Variants in PKN2 observed in about 807,000 individuals in gnomAD.
PKN2 encodes protein kinase N2.
A neutral mutation model predicts 119.1 loss-of-function variants in PKN2; 38 were observed. The observed-to-expected ratio is 0.32, with a 90% CI of 0.25 to 0.42. The LOEUF (loss-of-function observed/expected upper bound fraction) is 0.42, where lower values mean the gene tolerates loss of function less well. Ranked by LOEUF, PKN2 falls within the 10% of genes least tolerant of loss-of-function variation. The probability of loss-of-function intolerance (pLI) is 1.00; values close to 1 mark genes in which losing one functional copy is unlikely to be tolerated. For missense variants in PKN2, 850 were observed against 1,165.1 expected, an observed-to-expected ratio of 0.73 and a Z score of 3.94; for synonymous variants, 390 against 384.9, an observed-to-expected ratio of 1.01 and a Z score of -0.15.
chr1:88,817,697 A>G (rs1389936970), intron 16 of PKN2, among the ~76,000 whole-genome samples: 1 of 140,470 alleles, frequency 7.1e-6, no homozygotes, highest in Non-Finnish European at 1.5e-5. Flanking sequence ...CGACAAAGCG[A>G]GACTCCGTCT....
At chr1:88,732,359 C>T (rs578080677) in intron 1 of PKN2, among the ~76,000 whole-genome samples, 3 of 152,218 alleles carry the variant, frequency 2.0e-5, no homozygotes, top group African/African-American at 4.8e-5. Context: ...ATCTTTCCCT[C>T]TATTTTTAAA....
At chr1:88,746,707 A>T (rs1415892846) in intron 2 of PKN2, among the ~76,000 whole-genome samples, 1 of 152,166 alleles carries the variant, frequency 6.6e-6, no homozygotes, top group Non-Finnish European at 1.5e-5. Context: ...GAGGTTCCTG[A>T]GAAAACTAAA....
At chr1:88,721,873 AGTGTGTGTGT>A (rs151220008) in intron 1 of PKN2, among the ~76,000 whole-genome samples, 1 of 151,450 alleles carries the variant, frequency 6.6e-6, no homozygotes, top group Admixed American at 6.6e-5. Context: ...ACTCTATGTG[AGTGTGTGTGT>A]GTGTGTTGCA....
At chr1:88,719,965 A>C (rs1386924205) in intron 1 of PKN2, among the ~76,000 whole-genome samples, 1 of 152,200 alleles carries the variant, frequency 6.6e-6, no homozygotes, top group Non-Finnish European at 1.5e-5. Flanking sequence ...TAGTGTGCCA[A>C]AATTCACACA....
At chr1:88,802,070 G>A (rs1421461743) in intron 8 of PKN2, among the ~76,000 whole-genome samples, 1 of 152,206 alleles carries the variant, frequency 6.6e-6, no homozygotes, top group Admixed American at 6.5e-5. Flanking sequence ...GGCCTGTCCA[G>A]ACATGCTTGA....
chr1:88,818,376 G>A (rs1672101161), intron 16 of PKN2, among the ~76,000 whole-genome samples: 1 of 152,176 alleles, frequency 6.6e-6, no homozygotes, highest in South Asian at 2.1e-4. Context: ...GGCTGGGTGT[G>A]GTGGCTCACG....
At position 88,684,482 on chromosome 1, in the gene PKN2, T is replaced by A. The variant is rs1191867833; in HGVS notation, c.-99T>A. 1.1e-6 allele frequency: 1 copy of A among 917,230 alleles called. No individual in the cohort carries two copies. The highest frequency in any genetic ancestry group is 2.4e-4 in the Middle Eastern group (1 of 4,082). The allele number at this position is 917,230 out of a possible 1,614,324, so 56.8% of individuals were successfully genotyped here. ...ATCCCTAGTTGTTTTTTTTTTTTTC[T>A]TTCTCTCCCCTCTCCTCACCCCCAC... On this transcript the variant is annotated 5_prime_UTR_variant, in exon 1 of 22. Coordinates refer to ENST00000370521, the MANE Select transcript of PKN2 (RefSeq NM_006256.4).
At position 88,834,031 on chromosome 1, in the gene PKN2, A is replaced by G. The variant is rs995078549; in HGVS notation, c.*583A>G. ...TGATGTCTTATTTTATAAATGTTCT[A>G]TATTTATTAGGAGAAAACTTTATAT... On this transcript the variant is annotated 3_prime_UTR_variant, in exon 22 of 22. Coordinates refer to ENST00000370521, the MANE Select transcript of PKN2 (RefSeq NM_006256.4). 2.6e-5 allele frequency: 4 copies of G among 152,050 alleles called. No homozygotes were observed. The highest frequency in any genetic ancestry group is 5.9e-5 in the Non-Finnish European group (4 of 67,986). 9.4% of individuals were successfully genotyped at this position (152,050 alleles called of 1,614,324 possible).
chr1:88,702,033 A>G (rs1217518773), intron 1 of PKN2, among the ~76,000 whole-genome samples: 1 of 152,204 alleles, frequency 6.6e-6, no homozygotes, highest in Non-Finnish European at 1.5e-5. Flanking sequence ...ATCCGGGCTC[A>G]CTGCAACCTC....
At chr1:88,786,262 A>G (rs960430439) in intron 8 of PKN2, 49 bp downstream of exon 8, 2 of 947,816 alleles carry the variant, frequency 2.1e-6, no homozygotes, top group Non-Finnish European at 3.3e-6. Context: ...TTCATTTTAA[A>G]TGTGAGTTAT....
chr1:88,775,530 C>T (rs2100810560), intron 6 of PKN2, among the ~76,000 whole-genome samples: 1 of 152,220 alleles, frequency 6.6e-6, no homozygotes, highest in South Asian at 2.1e-4. Flanking sequence ...TTCTTGGTTG[C>T]TTCCAGGTTT....
intron 8 of PKN2, among the ~76,000 whole-genome samples, chr1:88,795,521 C>G (rs1671026960): frequency 6.6e-6 from 1 of 152,184 alleles, no homozygotes; most frequent in South Asian, 2.1e-4. Flanking sequence ...ACTGAAGTTT[C>G]TACTGCCATT....
intron 1 of PKN2, among the ~76,000 whole-genome samples, chr1:88,723,901 T>A (rs1667793609): frequency 1.3e-5 from 2 of 152,314 alleles, no homozygotes; most frequent in South Asian, 2.1e-4. Context: ...TCATCTATTT[T>A]TTCTCTTTTG....
intron 1 of PKN2, among the ~76,000 whole-genome samples, chr1:88,713,068 T>C (rs183973192): frequency 3.3e-5 from 5 of 152,332 alleles, no homozygotes; most frequent in Non-Finnish European, 7.3e-5. Flanking sequence ...AATGATGGTT[T>C]CCAGCTTCAT....
chr1:88,811,569 A>G (rs896885896), intron 15 of PKN2, among the ~76,000 whole-genome samples: 4 of 152,166 alleles, frequency 2.6e-5, no homozygotes, highest in African/African-American at 9.7e-5. Flanking sequence ...CTACTACACC[A>G]TAGTACATAT....
chr1:88,695,075 C>T (rs903450737), intron 1 of PKN2, among the ~76,000 whole-genome samples: 18 of 151,494 alleles, frequency 1.2e-4, no homozygotes, highest in Non-Finnish European at 2.2e-4. Flanking sequence ...TGCAGTGAGC[C>T]GAGATTGCGC....
At chr1:88,761,717 GTTATA>G (rs1669451259) in intron 3 of PKN2, among the ~76,000 whole-genome samples, 1 of 149,936 alleles carries the variant, frequency 6.7e-6, no homozygotes, top group Non-Finnish European at 1.5e-5. Context: ...TAGATTTTAT[GTTATA>G]TTTCAAAAGA....
chr1:88,805,630 A>G lies in PKN2; in HGVS notation c.1635A>G (p.Pro545=). The change falls in exon 11 of 22, where the codon CCA becomes CCG. Residue 545 remains proline (P), a synonymous_variant. Coordinates refer to ENST00000370521, the MANE Select transcript of PKN2 (RefSeq NM_006256.4). ...SPQAPVPTTV[P]VVDVRIPQLA... ...AAGCTCCTGTGCCTACTACAGTGCC[A>G]GTGGTTGATGTACGCATCCCTCAAC... 1 of 1,614,134 alleles carries G rather than the reference A, an allele frequency of 6.2e-7. No homozygotes were observed. Among genetic ancestry groups the G allele is most frequent in the South Asian group, 1.1e-5 (1 of 91,082 alleles).
chr1:88,807,432 T>C lies in PKN2; in HGVS notation c.1923T>C (p.Leu641=). ...TAGAATATAGTGGTATTCAAGAACT[T>C]GAGGACAGAAGGTAAAGAATATATA... ...SGLEYSGIQE[L]EDRRSQQRFQ... Residue 641 remains leucine (L), a synonymous_variant, in exon 13 of 22, where the codon CTT becomes CTC. Coordinates refer to ENST00000370521, the MANE Select transcript of PKN2 (RefSeq NM_006256.4). 1 of 1,610,428 alleles carries C rather than the reference T, an allele frequency of 6.2e-7. No individual in the cohort carries two copies. Among genetic ancestry groups the C allele is most frequent in the African/African-American group, 1.3e-5 (1 of 74,816 alleles).
Sources: allele counts gnomAD v4.1 joint callset (sites outside exome capture counted in the v4.1 genomes callset), GRCh38; gene constraint gnomAD v4.1.1; transcripts MANE v1.5; gene names NCBI Gene and HGNC (gene_info 2026-07-23, HGNC 2026-07-21).